GRB14: variants seen among roughly 807,000 people sequenced by gnomAD.
GRB14 encodes the protein growth factor receptor-bound protein 14.
GRB14 carries 38 observed loss-of-function variants against 69.1 expected under a neutral mutation model. The observed-to-expected ratio is 0.55, with a 90% CI of 0.42 to 0.72. The LOEUF (loss-of-function observed/expected upper bound fraction) is 0.72. Among genes scored for constraint, GRB14 ranks in the 30% least tolerant of loss-of-function variants. GRB14 has a pLI of 0.00. For missense variants in GRB14, 666 were observed against 666.1 expected, an observed-to-expected ratio of 1.00 and a Z score of 0.00; for synonymous variants, 247 against 241.3, an observed-to-expected ratio of 1.02 and a Z score of -0.22.
At chr2:164,617,295 A>C (rs1156644286) in intron 2 of GRB14, among the ~76,000 whole-genome samples, 2 of 152,176 alleles carry the variant, frequency 1.3e-5, no homozygotes, top group Non-Finnish European at 2.9e-5. Flanking sequence ...CTCAGGGAAC[A>C]GTACAGGTGT....
At chr2:164,501,033 G>A (rs1687036917) in intron 9 of GRB14, among the ~76,000 whole-genome samples, 1 of 151,928 alleles carries the variant, frequency 6.6e-6, no homozygotes, top group South Asian at 2.1e-4. Flanking sequence ...TTTAGGAAAG[G>A]ATTAATATAA....
chr2:164,618,158 G>A (rs933591778), intron 2 of GRB14, among the ~76,000 whole-genome samples: 4 of 151,988 alleles, frequency 2.6e-5, no homozygotes, highest in Admixed American at 2.6e-4. Flanking sequence ...GTGGAGACGG[G>A]GTTTTACCAT....
chr2:164,599,911 T>C (rs1203305653), intron 2 of GRB14, among the ~76,000 whole-genome samples: 6 of 152,236 alleles, frequency 3.9e-5, no homozygotes, highest in South Asian at 2.1e-4. Context: ...TTAGAGCCAC[T>C]GTTTATAATG....
intron 3 of GRB14, 33 bp from the exon 4 acceptor site, chr2:164,527,168 G>T: frequency 1.6e-6 from 1 of 621,272 alleles, no homozygotes; most frequent in Non-Finnish European, 2.5e-6. Context: ...TATGTTGACA[G>T]ATAGACAAAT....
intron 3 of GRB14, among the ~76,000 whole-genome samples, chr2:164,544,605 G>A (rs747307015): frequency 5.9e-5 from 9 of 152,150 alleles, no homozygotes; most frequent in Non-Finnish European, 1.3e-4. Context: ...AATATATGTT[G>A]AGCCTCTTCT....
chr2:164,574,376 G>A (rs991148162), intron 2 of GRB14, among the ~76,000 whole-genome samples: 7 of 151,794 alleles, frequency 4.6e-5, no homozygotes, highest in African/African-American at 1.7e-4. Flanking sequence ...CGAGTAGCTG[G>A]GACTACAGGC....
At chr2:164,509,910 C>T (rs1687296441) in intron 6 of GRB14, among the ~76,000 whole-genome samples, 1 of 152,044 alleles carries the variant, frequency 6.6e-6, no homozygotes, top group Non-Finnish European at 1.5e-5. Context: ...GTTATTCCAC[C>T]TCTGATAACT....
In GRB14 at chr2:164,497,602, G is replaced by C. The variant is rs1686938888; in HGVS notation, c.1105-112C>G. On this transcript the variant is annotated intron_variant, in intron 9 of 13. Transcript: ENST00000263915. ...TTTTTCTCTCAGTGTTTTTCTGGCAGTACATTTCCATTCTAGAAGGTGGTG... is the reference window on the plus strand; with the variant it reads ...TTTTTCTCTCAGTGTTTTTCTGGCACTACATTTCCATTCTAGAAGGTGGTG... The C allele has an allele frequency of 5.6e-6, 4 of 716,734 alleles. No homozygotes were observed. The Admixed American group carries it at 1.1e-4, about 19-fold the overall frequency. The allele number at this position is 716,734 out of a possible 1,614,324, so 44.4% of individuals were successfully genotyped here. A position where few individuals can be genotyped will look rare whatever the true frequency, so the allele number is the denominator to read the frequency against.
intron 2 of GRB14, among the ~76,000 whole-genome samples, chr2:164,568,149 T>C (rs1379449127): frequency 1.3e-5 from 2 of 152,200 alleles, no homozygotes; most frequent in African/African-American, 4.8e-5. Flanking sequence ...TTTTCCTAGT[T>C]CAATTCCAAT....
At chr2:164,564,388 A>G (rs945409006) in intron 2 of GRB14, among the ~76,000 whole-genome samples, 4 of 152,210 alleles carry the variant, frequency 2.6e-5, no homozygotes, top group Non-Finnish European at 5.9e-5. Context: ...TGGGAAAAAT[A>G]GTGATGTGAT....
intron 13 of GRB14, among the ~76,000 whole-genome samples, 164 bp downstream of exon 13, chr2:164,494,267 C>A (rs1295579195): frequency 6.6e-6 from 1 of 152,106 alleles, no homozygotes; most frequent in African/African-American, 2.4e-5. Flanking sequence ...CTCATAAAAT[C>A]ATTTCTGCCA....
At chr2:164,602,694 T>C (rs114179009) in intron 2 of GRB14, among the ~76,000 whole-genome samples, 170 of 152,322 alleles carry the variant, frequency 1.1e-3, no homozygotes, top group African/African-American at 3.9e-3. Context: ...GAAGACTTAG[T>C]ATGTGCCCGG....
intron 8 of GRB14, among the ~76,000 whole-genome samples, chr2:164,506,871 A>T (rs1391878599): frequency 6.6e-6 from 1 of 152,158 alleles, no homozygotes; most frequent in Non-Finnish European, 1.5e-5. Context: ...AAAAGTCAGA[A>T]ACAAAAGGTC....
At chr2:164,602,472 T>G (rs1443925244) in intron 2 of GRB14, among the ~76,000 whole-genome samples, 1 of 152,182 alleles carries the variant, frequency 6.6e-6, no homozygotes, top group Non-Finnish European at 1.5e-5. Context: ...ATTATTTTTT[T>G]CCTTACAATT....
At chr2:164,521,901 A>G in intron 6 of GRB14, 79 bp downstream of exon 6, 1 of 1,284,004 alleles carries the variant, frequency 7.8e-7, no homozygotes, top group Non-Finnish European at 1.1e-6. Context: ...TAATAAAGTA[A>G]TAAATACAAC....
intron 2 of GRB14, among the ~76,000 whole-genome samples, chr2:164,559,506 G>A (rs1688767586): frequency 6.6e-6 from 1 of 152,022 alleles, no homozygotes; most frequent in Non-Finnish European, 1.5e-5. Context: ...CATCTTCATA[G>A]CTTAGCTCTC....
intron 3 of GRB14, among the ~76,000 whole-genome samples, chr2:164,530,464 T>A (rs1356504999): frequency 6.6e-6 from 1 of 152,020 alleles, no homozygotes; most frequent in East Asian, 1.9e-4. Flanking sequence ...ATAGTGGTGA[T>A]AAACCTTACA....
At chr2:164,525,387 C>T (rs1370433238) in intron 4 of GRB14, among the ~76,000 whole-genome samples, 1 of 151,980 alleles carries the variant, frequency 6.6e-6, no homozygotes. Context: ...TCCTGAGTCC[C>T]GCAACCAGCC....
Position 164,493,227 on chromosome 2 carries a change from CAGA to C in GRB14, c.1477-48_1477-46del, listed in dbSNP as rs760833061. On this transcript the variant is annotated intron_variant, in intron 13 of 13. Transcript: ENST00000263915. Reference sequence around the variant, plus strand: ...AAATAAGTAAAGAGGATAAATTACACAGAAGGACAATCATATTCGATTGCAAAC... The same window carrying C: ...AAATAAGTAAAGAGGATAAATTACACAGGACAATCATATTCGATTGCAAAC... The C allele has an allele frequency of 8.9e-6, 14 of 1,569,258 alleles. No homozygotes were observed. In the South Asian group the frequency reaches 1.4e-4, roughly 16 times the overall value.
Sources: gnomAD v4.1 joint callset for allele counts (sites outside exome capture counted in the v4.1 genomes callset) on GRCh38, gnomAD v4.1.1 for gene constraint, MANE v1.5 for transcripts, NCBI Gene and HGNC (gene_info 2026-07-23, HGNC 2026-07-21) for gene names.